DLG2: variants seen among roughly 807,000 people sequenced by gnomAD.
DLG2 encodes discs large MAGUK scaffold protein 2.
Under a neutral mutation model 132.5 loss-of-function variants are expected in DLG2, and 45 were observed. That is an observed-to-expected ratio of 0.34 (90% CI 0.27 to 0.44). The LOEUF is 0.44. DLG2 is among the 20% of genes least tolerant of loss of function. The pLI is 1.00. For synonymous variants in DLG2, 424 were observed against 419.6 expected (o/e 1.01, Z -0.13); for missense variants, 1,045 against 1,196.9 (o/e 0.87, Z 1.87).
intron 7 of DLG2, among the ~76,000 whole-genome samples, chr11:84,337,463 TTTTA>T (rs1248040746): frequency 6.6e-6 from 1 of 152,210 alleles, no homozygotes; most frequent in Non-Finnish European, 1.5e-5. Context: ...TTTTAATATT[TTTTA>T]TTGTCTTCCT....
chr11:85,333,616 T>C (rs1362757407), intron 3 of DLG2, among the ~76,000 whole-genome samples: 2 of 152,172 alleles, frequency 1.3e-5, no homozygotes, highest in Non-Finnish European at 2.9e-5. Flanking sequence ...GATGCCTATT[T>C]GTTAAGGGGT....
intron 19 of DLG2, among the ~76,000 whole-genome samples, chr11:83,624,980 A>G (rs1394339669): frequency 6.6e-6 from 1 of 152,158 alleles, no homozygotes; most frequent in African/African-American, 2.4e-5. Context: ...TTTTTAAGAG[A>G]GAAAAGTAAT....
intron 4 of DLG2, among the ~76,000 whole-genome samples, chr11:85,228,086 C>A (rs2075082515): frequency 6.6e-6 from 1 of 152,074 alleles, no homozygotes; most frequent in Non-Finnish European, 1.5e-5. Context: ...CACTACCTGG[C>A]ACACTCCATA....
intron 7 of DLG2, among the ~76,000 whole-genome samples, chr11:84,506,160 C>T (rs1056986949): frequency 6.9e-6 from 1 of 145,844 alleles, no homozygotes; most frequent in African/African-American, 2.7e-5. Flanking sequence ...ACTGCAAGCT[C>T]CGCCTCCCGG....
chr11:85,491,443 A>C (rs1195537050), intron 3 of DLG2, among the ~76,000 whole-genome samples: 1 of 152,164 alleles, frequency 6.6e-6, no homozygotes, highest in Non-Finnish European at 1.5e-5. Flanking sequence ...AGAAAGAAAT[A>C]GTCACCCAAA....
intron 6 of DLG2, among the ~76,000 whole-genome samples, chr11:84,604,359 G>A (rs2099581825): frequency 6.6e-6 from 1 of 151,838 alleles, no homozygotes; most frequent in South Asian, 2.1e-4. Context: ...AAATCCTGGG[G>A]CAGTGGGGAG....
chr11:84,417,366 T>C lies in DLG2; in HGVS notation c.519+117204A>G, dbSNP rs528228709. Among the ~76,000 whole-genome samples, 23 of 152,352 alleles carry C rather than the reference T, an allele frequency of 1.5e-4. 1 individual carries two copies. In the South Asian group the frequency reaches 4.6e-3, roughly 30 times the overall value. ...AATGCAACAAGACATGGAAAGTATC[T>C]AGCATTATGCCTGGTACATATTAAG... On this transcript the variant is annotated intron_variant, in intron 7 of 27. Transcript: ENST00000376104.
At chr11:84,099,227 A>C (rs2092169862) in intron 9 of DLG2, among the ~76,000 whole-genome samples, 180 bp from the exon 10 acceptor site, 1 of 151,882 alleles carries the variant, frequency 6.6e-6, no homozygotes, top group African/African-American at 2.4e-5. Context: ...ACTGAGGTTT[A>C]TTCCTGCACT....
intron 21 of DLG2, among the ~76,000 whole-genome samples, chr11:83,511,220 C>A (rs1592165543): frequency 6.6e-6 from 1 of 152,068 alleles, no homozygotes; most frequent in Non-Finnish European, 1.5e-5. Flanking sequence ...CCAATTGTCA[C>A]TTTAAAGCCA....
rs147881907 is a variant in DLG2 at position 85,200,514 on chromosome 11, G to A, written c.187-45863C>T. Among the ~76,000 whole-genome samples, 382 of 152,236 alleles carry A rather than the reference G, an allele frequency of 2.5e-3. 1 individual carries two copies. The highest frequency in any genetic ancestry group is 0.012 in the South Asian group (57 of 4,820). On this transcript the variant is annotated intron_variant, in intron 4 of 27. Transcript: ENST00000376104. ...TCCATCCTACAGCGGTTCCCAAGGC[G>A]GCCCAGTCTCAGCATCAGCCCCTTG...
chr11:85,055,803 C>T (rs1020119879), intron 6 of DLG2, among the ~76,000 whole-genome samples: 1 of 151,988 alleles, frequency 6.6e-6, no homozygotes, highest in African/African-American at 2.4e-5. Flanking sequence ...TCAGGGCCCA[C>T]CAATAAGGAA....
intron 6 of DLG2, among the ~76,000 whole-genome samples, chr11:84,656,104 G>A (rs1444359858): frequency 6.6e-6 from 1 of 152,132 alleles, no homozygotes; most frequent in African/African-American, 2.4e-5. Context: ...AAACCTCACA[G>A]CACAAAACCT....
chr11:85,543,013 G>A (rs2076071592), intron 3 of DLG2, among the ~76,000 whole-genome samples: 1 of 152,128 alleles, frequency 6.6e-6, no homozygotes, highest in African/African-American at 2.4e-5. Flanking sequence ...TATAATTTAA[G>A]TTCCGGGATA....
At position 84,786,311 on chromosome 11, in the gene DLG2, T is replaced by C. The variant is rs553245497; in HGVS notation, c.358-251580A>G. On this transcript the variant is annotated intron_variant, in intron 6 of 27. Coordinates refer to ENST00000376104, the MANE Select transcript of DLG2 (RefSeq NM_001142699.3). ...ACTCACTTGAACACTCATAAGAAGATAGTTGGTCTATCCTGACCATATGGA... is the reference window on the plus strand; with the variant it reads ...ACTCACTTGAACACTCATAAGAAGACAGTTGGTCTATCCTGACCATATGGA... 7.2e-5 allele frequency among the ~76,000 whole-genome samples: 11 copies of C among 152,308 alleles called. No homozygotes were observed. In the South Asian group the frequency reaches 2.1e-3, roughly 29 times the overall value.
At chr11:84,351,229 T>G (rs1334919123) in intron 7 of DLG2, among the ~76,000 whole-genome samples, 1 of 152,184 alleles carries the variant, frequency 6.6e-6, no homozygotes, top group Non-Finnish European at 1.5e-5. Flanking sequence ...AATTAAAGTT[T>G]TAATTGACTT....
intron 6 of DLG2, among the ~76,000 whole-genome samples, chr11:84,833,657 T>C (rs2079329392): frequency 2.0e-5 from 3 of 149,764 alleles, no homozygotes; most frequent in South Asian, 2.1e-4. Flanking sequence ...GTGGCAGTTG[T>C]GGGGGGGTGG....
At chr11:84,912,650 T>C (rs557335628) in intron 6 of DLG2, among the ~76,000 whole-genome samples, 20 of 152,354 alleles carry the variant, frequency 1.3e-4, no homozygotes, top group Admixed American at 1.1e-3. Context: ...TAAATGGAGA[T>C]GACGGATTTT....
chr11:84,348,270 T>C (rs2098547620), intron 7 of DLG2, among the ~76,000 whole-genome samples: 1 of 152,188 alleles, frequency 6.6e-6, no homozygotes, highest in South Asian at 2.1e-4. Flanking sequence ...ATAATTACAT[T>C]CATTTACTAA....
chr11:85,322,262 A>G (rs1023355360), intron 3 of DLG2, among the ~76,000 whole-genome samples: 5 of 151,988 alleles, frequency 3.3e-5, no homozygotes, highest in Non-Finnish European at 5.9e-5. Context: ...TTTCCTATCC[A>G]TTCAGCTTAT....
Sources: allele counts gnomAD v4.1 joint callset (sites outside exome capture counted in the v4.1 genomes callset), GRCh38; gene constraint gnomAD v4.1.1; transcripts MANE v1.5; gene names NCBI Gene and HGNC (gene_info 2026-07-23, HGNC 2026-07-21).